SNRPG: variants seen among roughly 807,000 people sequenced by gnomAD.
SNRPG encodes the protein small nuclear ribonucleoprotein polypeptide G.
In SNRPG, 3 loss-of-function variants were observed where a neutral mutation model predicts 13.9. The observed-to-expected ratio is 0.22, with a 90% CI of 0.10 to 0.56. The LOEUF (loss-of-function observed/expected upper bound fraction) is 0.56, where lower values mean the gene tolerates loss of function less well. Among genes scored for constraint, SNRPG ranks in the 20% least tolerant of loss-of-function variants. The pLI is 0.93. For synonymous variants in SNRPG, 29 were observed against 29.3 expected, an observed-to-expected ratio of 0.99 and a Z score of 0.03; for missense variants, 34 against 96.1, an observed-to-expected ratio of 0.35 and a Z score of 2.70.
At chr2:70,289,278 C>T in intron 2 of SNRPG, 72 bp downstream of exon 2, 10 of 925,494 alleles carry the variant, frequency 1.1e-5, no homozygotes, top group Non-Finnish European at 1.7e-5. Flanking sequence ...AAAGTTGCTC[C>T]AAACATTGCT....
At chr2:70,291,014 A>AACACACACACACACAC (rs56202448) in intron 1 of SNRPG, among the ~76,000 whole-genome samples, 42 of 133,584 alleles carry the variant, frequency 3.1e-4, no homozygotes, top group East Asian at 6.3e-4. Context: ...TCCATCTCAA[A>AACACACACACACACAC]ACACACACAC....
At chr2:70,284,658 A>G (rs958605749) in intron 3 of SNRPG, among the ~76,000 whole-genome samples, 9 of 152,194 alleles carry the variant, frequency 5.9e-5, no homozygotes, top group African/African-American at 2.2e-4. Context: ...TGCTGGGATT[A>G]CAGGTGTGAG....
Position 70,283,096 on chromosome 2 carries a change from C to CAAAAAAA in SNRPG, c.181-1419_181-1413dup, listed in dbSNP as rs57862220. On this transcript the variant is annotated intron_variant, in intron 3 of 3. Transcript: ENST00000272348. Reference sequence around the variant, plus strand: ...GGCAACGAGCGAAACTGTCTTTTGTCAAAAAAAAAAAAAAAAAAAAAAAAA... The same window carrying CAAAAAAA: ...GGCAACGAGCGAAACTGTCTTTTGTCAAAAAAAAAAAAAAAAAAAAAAAAAAAAAAAA... Among the ~76,000 whole-genome samples, 123 of 13,960 alleles carry CAAAAAAA rather than the reference C, an allele frequency of 8.8e-3. 2 individuals carry two copies. The highest frequency in any genetic ancestry group is 0.01 in the Non-Finnish European group (85 of 8,308). The allele number at this position is 13,960 out of a possible 152,430, so 9.2% of individuals were successfully genotyped here. A position where few individuals can be genotyped will look rare whatever the true frequency, so the allele number is the denominator to read the frequency against.
chr2:70,288,459 A>T (rs1696996848), intron 2 of SNRPG, among the ~76,000 whole-genome samples: 1 of 152,172 alleles, frequency 6.6e-6, no homozygotes, highest in Non-Finnish European at 1.5e-5. Context: ...GGGGCTCCCT[A>T]TGTTGCCCAG....
intron 3 of SNRPG, chr2:70,287,471 T>G: frequency 1.6e-6 from 1 of 624,134 alleles, no homozygotes; most frequent in East Asian, 2.8e-5. Context: ...TTTAATCCTA[T>G]GAGGGCTCAG....
rs141007796 is a variant in SNRPG at position 70,283,355 on chromosome 2, G to A, written c.181-1671C>T. Among the ~76,000 whole-genome samples, 787 of 152,174 alleles carry A rather than the reference G, an allele frequency of 5.2e-3. 31 individuals carry two copies. The highest frequency in any genetic ancestry group is 0.043 in the Admixed American group (651 of 15,268). ...GTACGGGAGGGAAAGAATAGGTAAT[G>A]TAGGGGAGAGAAAGGTAATGTAATA... On this transcript the variant is annotated intron_variant, in intron 3 of 3. Coordinates refer to ENST00000272348, the MANE Select transcript of SNRPG (RefSeq NM_003096.4).
chr2:70,289,354 T>C lies in SNRPG; in HGVS notation c.51A>G (p.Leu17=). 6.9e-7 allele frequency: 1 copy of C among 1,439,164 alleles called. No homozygotes were observed. The allele number at this position is 1,439,164 out of a possible 1,614,324, so 89.1% of individuals were successfully genotyped here. The change falls in exon 2 of 4, where the codon TTA becomes TTG. Residue 17 remains leucine (L), a synonymous_variant. Coordinates refer to ENST00000272348, the MANE Select transcript of SNRPG (RefSeq NM_003096.4). ...PELKKFMDKK[L]SLKLNGGRHV... ...CCAAAACAACAACAAACTTACATGA[T>C]AACTTCTTGTCCATAAATCTGAAAA...
chr2:70,293,712 C>G lies in SNRPG; in HGVS notation c.-63G>C. ...CAACGCACGGCTTTCCTCACGCTCCCGCTGTAGGCCCGGCGTCTTGCGTCT... is the reference window on the plus strand; with the variant it reads ...CAACGCACGGCTTTCCTCACGCTCCGGCTGTAGGCCCGGCGTCTTGCGTCT... On this transcript the variant is annotated 5_prime_UTR_variant, in exon 1 of 4. Transcript: ENST00000272348. 6.7e-7 allele frequency: 1 copy of G among 1,502,528 alleles called. No homozygotes were observed. The highest frequency in any genetic ancestry group is 9.3e-7 in the Non-Finnish European group (1 of 1,078,456). The allele number at this position is 1,502,528 out of a possible 1,614,324, so 93.1% of individuals were successfully genotyped here. A position where few individuals can be genotyped will look rare whatever the true frequency, so the allele number is the denominator to read the frequency against.
chr2:70,285,302 G>C (rs543776069), intron 3 of SNRPG, among the ~76,000 whole-genome samples: 1 of 152,106 alleles, frequency 6.6e-6, no homozygotes. Flanking sequence ...GGCCAGGCGC[G>C]GTGGCTCACG....
At chr2:70,291,947 TA>T (rs1697108631) in intron 1 of SNRPG, among the ~76,000 whole-genome samples, 2 of 120,586 alleles carry the variant, frequency 1.7e-5, no homozygotes, top group Non-Finnish European at 4.0e-5. Flanking sequence ...GAGTAACTTC[TA>T]TTTTTTTTTT....
intron 3 of SNRPG, among the ~76,000 whole-genome samples, chr2:70,285,210 A>C (rs961878805): frequency 6.6e-6 from 1 of 152,218 alleles, no homozygotes; most frequent in Non-Finnish European, 1.5e-5. Context: ...AAAAAGAATC[A>C]TATGTTGAGA....
intron 1 of SNRPG, among the ~76,000 whole-genome samples, chr2:70,289,820 AG>A (rs754470565): frequency 2.0e-5 from 3 of 152,168 alleles, no homozygotes; most frequent in Non-Finnish European, 4.4e-5. Context: ...GGGGAAAAAA[AG>A]AGTGGGGGCG....
chr2:70,288,046 G>C, intron 3 of SNRPG, 22 bp downstream of exon 3: 1 of 1,609,006 alleles, frequency 6.2e-7, no homozygotes, highest in Non-Finnish European at 8.5e-7. Flanking sequence ...ATCTCCAAGA[G>C]AACTCTTGTA....
intron 1 of SNRPG, among the ~76,000 whole-genome samples, chr2:70,289,581 G>A (rs568906423): frequency 6.6e-6 from 1 of 152,318 alleles, no homozygotes; most frequent in Middle Eastern, 3.4e-3. Flanking sequence ...GGGGGCTGAG[G>A]CGGGTGGACT....
intron 3 of SNRPG, 101 bp downstream of exon 3, chr2:70,287,967 G>C: frequency 9.3e-7 from 1 of 1,070,692 alleles, no homozygotes; most frequent in Non-Finnish European, 1.4e-6. Context: ...GTCTAATCTT[G>C]CCTGTTATTT....
chr2:70,293,594 G>A, intron 1 of SNRPG, 24 bp downstream of exon 1: 9 of 1,607,640 alleles, frequency 5.6e-6, no homozygotes, highest in Non-Finnish European at 6.8e-6. Flanking sequence ...TGACCACTTC[G>A]GTTTGGCTCT....
At chr2:70,282,419 A>G (rs1396276259) in intron 3 of SNRPG, among the ~76,000 whole-genome samples, 1 of 152,234 alleles carries the variant, frequency 6.6e-6, no homozygotes, top group Non-Finnish European at 1.5e-5. Context: ...GGTCTTGGAA[A>G]TTGGGCAGAA....
chr2:70,284,582 C>T (rs559266301), intron 3 of SNRPG, among the ~76,000 whole-genome samples: 1 of 152,140 alleles, frequency 6.6e-6, no homozygotes, highest in African/African-American at 2.4e-5. Context: ...CAGGGTCTCA[C>T]CATGTTGCCC....
At chr2:70,293,411 G>A in intron 1 of SNRPG, 1 of 639,590 alleles carries the variant, frequency 1.6e-6, no homozygotes, top group Non-Finnish European at 2.8e-6. Flanking sequence ...AGGTGCCGTG[G>A]CTGCCGGCTG....
Sources: allele counts gnomAD v4.1 joint callset (sites outside exome capture counted in the v4.1 genomes callset), GRCh38; gene constraint gnomAD v4.1.1; transcripts MANE v1.5; gene names NCBI Gene and HGNC (gene_info 2026-07-23, HGNC 2026-07-21).